Variants in ACSM3 observed in about 807,000 individuals in gnomAD.
ACSM3 encodes acyl-CoA synthetase medium chain family member 3.
A neutral mutation model predicts 74.1 loss-of-function variants in ACSM3; 61 were observed. The observed-to-expected ratio is 0.82, with a 90% CI of 0.67 to 1.02. The LOEUF is 1.02. ACSM3 is among the 50% of genes least tolerant of loss of function. The pLI is 0.00. For synonymous variants in ACSM3, 213 were observed against 241.5 expected (o/e 0.88, Z 1.09); for missense variants, 660 against 697.0 (o/e 0.95, Z 0.60).
chr16:20,742,150 T>A, intron 1 of ACSM3: 1 of 930,668 alleles, frequency 1.1e-6, no homozygotes, highest in Non-Finnish European at 1.4e-6. Context: ...TTGAACTCAA[T>A]TGAACGTGGA....
intron 2 of ACSM3, among the ~76,000 whole-genome samples, 179 bp from the exon 3 acceptor site, chr16:20,775,660 G>A (rs531436645): frequency 1.3e-5 from 2 of 152,138 alleles, no homozygotes; most frequent in South Asian, 4.2e-4. Context: ...GTGAGTACTG[G>A]GCATCTCTAG....
intron 1 of ACSM3, chr16:20,741,925 C>G (rs1301402147): frequency 6.5e-7 from 1 of 1,533,790 alleles, no homozygotes; most frequent in South Asian, 1.2e-5. Context: ...TGGAGTGATA[C>G]CCGCCCAAGC....
intron 10 of ACSM3, 74 bp from the exon 11 acceptor site, chr16:20,791,927 GA>G (rs79083383): frequency 0.17 from 193,801 of 1,123,296 alleles, 1 homozygote; most frequent in East Asian, 0.21. Flanking sequence ...GACTGTCTCG[GA>G]AAAAAAAAAA....
chr16:20,749,173 T>G (rs2079971327), intron 1 of ACSM3: 1 of 152,168 alleles, frequency 6.6e-6, no homozygotes, highest in South Asian at 2.1e-4. Context: ...TATACACATA[T>G]GTATATATAT....
At chr16:20,681,604 G>A (rs1490713753) in intron 1 of ACSM3, 1 of 152,698 alleles carries the variant, frequency 6.5e-6, no homozygotes, top group Non-Finnish European at 1.5e-5. Context: ...CCGCACAGTT[G>A]ATGGCATTAA....
chr16:20,716,741 C>A (rs150263168), intron 1 of ACSM3, among the ~76,000 whole-genome samples: 1 of 152,148 alleles, frequency 6.6e-6, no homozygotes. Flanking sequence ...GAGCTCAGGG[C>A]CTTCGCAGCC....
At chr16:20,676,979 C>A (rs1181490555) in intron 1 of ACSM3, among the ~76,000 whole-genome samples, 2 of 152,088 alleles carry the variant, frequency 1.3e-5, no homozygotes, top group African/African-American at 2.4e-5. Flanking sequence ...CAAATCTGCT[C>A]TAAAAGTCTC....
chr16:20,755,968 A>AT (rs916443202), intron 3 of ACSM3, among the ~76,000 whole-genome samples: 8 of 151,908 alleles, frequency 5.3e-5, no homozygotes, highest in Non-Finnish European at 1.2e-4. Flanking sequence ...TGAACTCATC[A>AT]TTTTTTATGG....
At chr16:20,694,750 A>G (rs553878688) in intron 1 of ACSM3, among the ~76,000 whole-genome samples, 3 of 152,328 alleles carry the variant, frequency 2.0e-5, no homozygotes, top group South Asian at 2.1e-4. Context: ...ACGAACCCCA[A>G]TATTTCAGAA....
chr16:20,717,865 G>A (rs1596484174), intron 1 of ACSM3, among the ~76,000 whole-genome samples: 1 of 150,518 alleles, frequency 6.6e-6, no homozygotes, highest in Non-Finnish European at 1.5e-5. Context: ...GGAGGAGAAG[G>A]AGAAGAAGGA....
At chr16:20,756,085 A>G (rs2080029363) in intron 3 of ACSM3, among the ~76,000 whole-genome samples, 1 of 152,168 alleles carries the variant, frequency 6.6e-6, no homozygotes, top group Admixed American at 6.5e-5. Context: ...ATAGTGCCGC[A>G]GTAAACATAC....
intron 1 of ACSM3, among the ~76,000 whole-genome samples, chr16:20,746,649 G>T (rs563570387): frequency 2.6e-4 from 39 of 152,278 alleles, no homozygotes; most frequent in African/African-American, 9.4e-4. Context: ...ACACCCAGAC[G>T]CTGTGTGAGA....
At chr16:20,796,341 T>G (rs1425733559) in intron 12 of ACSM3, 29 bp from the exon 13 acceptor site, 3 of 1,600,264 alleles carry the variant, frequency 1.9e-6, no homozygotes, top group Non-Finnish European at 2.6e-6. Flanking sequence ...CATAACTCAT[T>G]TTCCTGGTGT....
intron 2 of ACSM3, among the ~76,000 whole-genome samples, chr16:20,774,784 G>A (rs1899727686): frequency 2.0e-5 from 3 of 152,234 alleles, no homozygotes; most frequent in Non-Finnish European, 4.4e-5. Context: ...CATGGGCACT[G>A]GCAGTAGCAG....
intron 2 of ACSM3, among the ~76,000 whole-genome samples, chr16:20,773,620 T>C (rs1448553692): frequency 6.6e-6 from 1 of 152,224 alleles, no homozygotes; most frequent in Non-Finnish European, 1.5e-5. Flanking sequence ...GACTCACTGG[T>C]CATTCAGGAG....
intron 1 of ACSM3, among the ~76,000 whole-genome samples, chr16:20,767,979 T>A (rs1030932873): frequency 3.3e-5 from 5 of 152,184 alleles, no homozygotes; most frequent in Non-Finnish European, 7.3e-5. Context: ...CAAAATTTAT[T>A]TATGTATTGT....
intron 1 of ACSM3, chr16:20,734,328 C>T (rs1233516644): frequency 6.6e-6 from 1 of 152,588 alleles, no homozygotes; most frequent in Non-Finnish European, 1.5e-5. Flanking sequence ...CCTATCCTCC[C>T]TATTCCCCTA....
At chr16:20,738,986 A>G in intron 1 of ACSM3, 1 of 1,614,148 alleles carries the variant, frequency 6.2e-7, no homozygotes, top group Non-Finnish European at 8.5e-7. Context: ...AGATGCCTTA[A>G]TGTCACCAAC....
chr16:20,771,147 C>T (rs1440681309), intron 2 of ACSM3, among the ~76,000 whole-genome samples: 4 of 152,130 alleles, frequency 2.6e-5, no homozygotes, highest in African/African-American at 9.7e-5. Context: ...CTGCAACCTC[C>T]GCCTCATGAG....
Sources: allele counts gnomAD v4.1 joint callset (sites outside exome capture counted in the v4.1 genomes callset), GRCh38; gene constraint gnomAD v4.1.1; transcripts MANE v1.5; gene names NCBI Gene and HGNC (gene_info 2026-07-23, HGNC 2026-07-21).